EPS15L1: variants seen among roughly 807,000 people sequenced by gnomAD.
EPS15L1 encodes the protein epidermal growth factor receptor substrate 15-like 1.
EPS15L1 carries 43 observed loss-of-function variants against 117.1 expected under a neutral mutation model. That is an observed-to-expected ratio of 0.37 (90% confidence interval 0.29 to 0.47). EPS15L1 has a LOEUF of 0.47. Among genes scored for constraint, EPS15L1 ranks in the 20% least tolerant of loss-of-function variants. The pLI is 0.99. For synonymous variants in EPS15L1, 459 were observed against 470.5 expected (o/e 0.98, Z 0.32); for missense variants, 981 against 1,164.0 (o/e 0.84, Z 2.29).
intron 10 of EPS15L1, among the ~76,000 whole-genome samples, chr19:16,420,354 G>C (rs957889008): frequency 5.3e-5 from 8 of 152,200 alleles, no homozygotes; most frequent in African/African-American, 1.9e-4. Context: ...GTGTCAGGGC[G>C]CTAACCAGGA....
chr19:16,387,212 A>G (rs2092429203), intron 19 of EPS15L1, among the ~76,000 whole-genome samples: 2 of 152,250 alleles, frequency 1.3e-5, no homozygotes, highest in African/African-American at 4.8e-5. Context: ...GTGTATCTAC[A>G]ATAAAAACTT....
At chr19:16,403,671 G>A in intron 15 of EPS15L1, 62 bp downstream of exon 15, 2 of 1,476,934 alleles carry the variant, frequency 1.4e-6, no homozygotes, top group Non-Finnish European at 1.9e-6. Context: ...AGCAGTGGCA[G>A]CCTCGGCTCT....
chr19:16,430,479 G>A (rs1197242506), intron 7 of EPS15L1, among the ~76,000 whole-genome samples: 1 of 152,248 alleles, frequency 6.6e-6, no homozygotes, highest in East Asian at 1.9e-4. Context: ...GGGTGGTGGA[G>A]GGGTGTGAGA....
At chr19:16,445,572 C>T (rs918778246) in intron 1 of EPS15L1, among the ~76,000 whole-genome samples, 1 of 152,190 alleles carries the variant, frequency 6.6e-6, no homozygotes, top group Non-Finnish European at 1.5e-5. Context: ...TATGTCATTG[C>T]GACAGAACTG....
chr19:16,429,134 G>A, intron 7 of EPS15L1, among the ~76,000 whole-genome samples: 1 of 152,100 alleles, frequency 6.6e-6, no homozygotes, highest in East Asian at 1.9e-4. Flanking sequence ...GCTCACTCCT[G>A]CAAACCCCAC....
intron 6 of EPS15L1, among the ~76,000 whole-genome samples, chr19:16,436,232 C>G (rs1420576063): frequency 2.0e-5 from 3 of 152,154 alleles, no homozygotes; most frequent in African/African-American, 7.2e-5. Flanking sequence ...GAGTGTTATT[C>G]ATGTCAGGAT....
At chr19:16,377,395 C>G in intron 21 of EPS15L1, 141 bp from the exon 22 acceptor site, 1 of 903,386 alleles carries the variant, frequency 1.1e-6, no homozygotes, top group Non-Finnish European at 1.7e-6. Flanking sequence ...CCTGCTTGGA[C>G]GTGGGGTCTC....
chr19:16,413,662 T>C, intron 13 of EPS15L1, 111 bp downstream of exon 13: 2 of 891,322 alleles, frequency 2.2e-6, no homozygotes, highest in Non-Finnish European at 3.6e-6. Flanking sequence ...AGAGCTCATG[T>C]TTCCATCCAG....
intron 1 of EPS15L1, among the ~76,000 whole-genome samples, chr19:16,456,203 A>G (rs2093194462): frequency 1.3e-5 from 2 of 151,978 alleles, no homozygotes; most frequent in South Asian, 4.2e-4. Context: ...CCTGTCTCAA[A>G]CAAACAAACA....
At chr19:16,415,570 A>G (rs1408624367) in intron 12 of EPS15L1, among the ~76,000 whole-genome samples, 1 of 152,256 alleles carries the variant, frequency 6.6e-6, no homozygotes, top group Non-Finnish European at 1.5e-5. Context: ...GAAGGACCTG[A>G]CATGCCCTTG....
In EPS15L1 at chr19:16,402,446, C is replaced by G. The variant is rs1267959503; in HGVS notation, c.1666G>C (p.Glu556Gln). The change falls in exon 16 of 24, where the codon GAG becomes CAG. Residue 556 changes from glutamate (E) to glutamine (Q), a missense_variant. Glu to Gln is a conservative substitution (Grantham distance 29, BLOSUM62 2). This residue lies in a region of EPS15L1 where 819 missense variants were observed against 949.0 expected (regional missense o/e 0.86). Coordinates refer to ENST00000455140, the MANE Select transcript of EPS15L1 (RefSeq NM_001258374.3). ...TACTGCTCCAGGCTCCTGTGGGCCTCCTGGCGGCTTTCATGCAGCTGGGAA... is the reference window on the plus strand; with the variant it reads ...TACTGCTCCAGGCTCCTGTGGGCCTGCTGGCGGCTTTCATGCAGCTGGGAA... ...KLSQLHESRQ[E>Q]AHRSLEQYDQ... The G allele has an allele frequency of 9.3e-6, 15 of 1,611,500 alleles. No homozygotes were observed. Among genetic ancestry groups the G allele is most frequent in the Non-Finnish European group, 1.3e-5 (15 of 1,178,916 alleles).
intron 7 of EPS15L1, among the ~76,000 whole-genome samples, chr19:16,431,020 C>A (rs778869065): frequency 6.6e-6 from 1 of 152,070 alleles, no homozygotes; most frequent in East Asian, 1.9e-4. Context: ...AGGCGGATCA[C>A]CTGAGGCCAG....
chr19:16,439,549 A>G (rs957429721), intron 4 of EPS15L1, among the ~76,000 whole-genome samples: 2 of 152,140 alleles, frequency 1.3e-5, no homozygotes, highest in East Asian at 3.8e-4. Flanking sequence ...AAAATTAGCC[A>G]GGTGTGGCAG....
chr19:16,435,803 G>C (rs546615169), intron 6 of EPS15L1, among the ~76,000 whole-genome samples: 2 of 151,988 alleles, frequency 1.3e-5, no homozygotes, highest in African/African-American at 4.8e-5. Context: ...AATCTCTCTC[G>C]ACCACAGTAC....
At chr19:16,456,099 C>G (rs1394914399) in intron 1 of EPS15L1, among the ~76,000 whole-genome samples, 2 of 152,168 alleles carry the variant, frequency 1.3e-5, no homozygotes, top group Non-Finnish European at 2.9e-5. Flanking sequence ...ACTCAGGAGG[C>G]TGAGGCAGAA....
chr19:16,422,360 C>T (rs1384938517), intron 9 of EPS15L1, among the ~76,000 whole-genome samples: 4 of 152,206 alleles, frequency 2.6e-5, no homozygotes, highest in Non-Finnish European at 5.9e-5. Flanking sequence ...ACACCCACCA[C>T]GCCACAGTTC....
At chr19:16,417,910 G>A in intron 11 of EPS15L1, 38 bp downstream of exon 11, 3 of 1,587,126 alleles carry the variant, frequency 1.9e-6, no homozygotes, top group Non-Finnish European at 2.6e-6. Flanking sequence ...GGTGGGAAGG[G>A]ATGTCAATAC....
chr19:16,416,525 C>T (rs1052606182), intron 12 of EPS15L1, among the ~76,000 whole-genome samples: 1 of 151,964 alleles, frequency 6.6e-6, no homozygotes, highest in Non-Finnish European at 1.5e-5. Context: ...GTACTCTCAG[C>T]TTCCTGGGAG....
chr19:16,355,921 G>A, intron 23 of EPS15L1, 70 bp from the exon 24 acceptor site: 1 of 1,502,254 alleles, frequency 6.7e-7, no homozygotes. Flanking sequence ...AGGGAGGCAG[G>A]GAATGCGTGG....
Sources: gnomAD v4.1 joint callset for allele counts (sites outside exome capture counted in the v4.1 genomes callset) on GRCh38, gnomAD v4.1.1 for gene constraint, gnomAD v4.1.1 regional missense constraint, MANE v1.5 for transcripts, NCBI Gene and HGNC (gene_info 2026-07-23, HGNC 2026-07-21) for gene names.